CWC27: variants seen among roughly 807,000 people sequenced by gnomAD.
The protein encoded by CWC27 is spliceosome-associated protein CWC27 homolog.
In CWC27, 47 loss-of-function variants were observed where a neutral mutation model predicts 63.6. The ratio of observed to expected loss-of-function variants is 0.74; its 90% CI spans 0.58 to 0.94. The LOEUF (loss-of-function observed/expected upper bound fraction) is 0.94, where lower values mean the gene tolerates loss of function less well. Among genes scored for constraint, CWC27 ranks in the 40% least tolerant of loss-of-function variants. CWC27 has a pLI of 0.00. For synonymous variants in CWC27, 175 were observed against 179.8 expected (o/e 0.97, Z 0.22); for missense variants, 495 against 554.3 (o/e 0.89, Z 1.07).
chr5:64,991,457 G>A (rs1253170865), intron 13 of CWC27, among the ~76,000 whole-genome samples: 1 of 152,258 alleles, frequency 6.6e-6, no homozygotes, highest in African/African-American at 2.4e-5. Context: ...GGGAGCTGTG[G>A]CTCACGCCTG....
At chr5:64,930,826 A>G (rs1748221335) in intron 11 of CWC27, among the ~76,000 whole-genome samples, 10 of 152,170 alleles carry the variant, frequency 6.6e-5, no homozygotes, top group Admixed American at 6.5e-4. Flanking sequence ...TACCCTGAGA[A>G]GAACATACAA....
At chr5:64,880,915 A>G (rs756216793) in intron 10 of CWC27, among the ~76,000 whole-genome samples, 1 of 149,838 alleles carries the variant, frequency 6.7e-6, no homozygotes, top group East Asian at 2.0e-4. Context: ...GGCCAAGACA[A>G]TGCTTTCTGG....
chr5:64,780,312 C>T (rs2112156919), intron 2 of CWC27, among the ~76,000 whole-genome samples: 1 of 152,010 alleles, frequency 6.6e-6, no homozygotes, highest in East Asian at 1.9e-4. Flanking sequence ...CATTGATAGA[C>T]ATTTGAATTG....
chr5:64,885,524 A>G lies in CWC27; in HGVS notation c.1020A>G (p.Lys340=), dbSNP rs1191516881. The part of the protein sequence containing the change: ...AKQKKVENAA[K]QAEKRSEEEE... ...AAAAAAAAGTAGAAAATGCAGCAAA[A>G]CAAGCAGAAAAAAGAAGTGAAGGTA... The change falls in exon 11 of 14, where the codon AAA becomes AAG. Residue 340 remains lysine, a synonymous_variant. Coordinates refer to ENST00000381070, the MANE Select transcript of CWC27 (RefSeq NM_005869.4). 1 of 1,602,554 alleles carries G rather than the reference A, an allele frequency of 6.2e-7. No homozygotes were observed. Among genetic ancestry groups the G allele is most frequent in the Non-Finnish European group, 8.5e-7 (1 of 1,174,056 alleles).
intron 10 of CWC27, among the ~76,000 whole-genome samples, chr5:64,859,930 AC>A: frequency 6.6e-6 from 1 of 152,320 alleles, no homozygotes; most frequent in Admixed American, 6.5e-5. Context: ...TTTATTGTTG[AC>A]AAAGTTAAAA....
intron 10 of CWC27, among the ~76,000 whole-genome samples, chr5:64,877,810 G>T (rs763908369): frequency 2.6e-4 from 39 of 151,860 alleles, no homozygotes; most frequent in Admixed American, 8.5e-4. Flanking sequence ...GAAGAATTAA[G>T]ATGTCAGTGT....
At chr5:64,775,016 T>A (rs1743393232) in intron 2 of CWC27, among the ~76,000 whole-genome samples, 1 of 152,240 alleles carries the variant, frequency 6.6e-6, no homozygotes, top group African/African-American at 2.4e-5. Flanking sequence ...CAAATAATAC[T>A]GTGATCCTCT....
At chr5:64,909,855 C>T (rs1385245170) in intron 11 of CWC27, among the ~76,000 whole-genome samples, 2 of 152,070 alleles carry the variant, frequency 1.3e-5, no homozygotes, top group Non-Finnish European at 2.9e-5. Context: ...TTTTAGCTTC[C>T]TTGCAATGGG....
At chr5:64,994,974 T>C (rs918592147) in intron 13 of CWC27, among the ~76,000 whole-genome samples, 2 of 151,972 alleles carry the variant, frequency 1.3e-5, no homozygotes, top group Non-Finnish European at 2.9e-5. Context: ...TCTACTCTTA[T>C]GTGTATATCT....
At chr5:64,781,433 T>C (rs1743686427) in intron 2 of CWC27, among the ~76,000 whole-genome samples, 1 of 152,192 alleles carries the variant, frequency 6.6e-6, no homozygotes, top group Non-Finnish European at 1.5e-5. Context: ...AAATAAGGTA[T>C]TTATCTTTGC....
chr5:64,826,320 C>T (rs532111491), intron 10 of CWC27, among the ~76,000 whole-genome samples: 2 of 152,166 alleles, frequency 1.3e-5, no homozygotes, highest in South Asian at 2.1e-4. Flanking sequence ...TTTTTTGTTA[C>T]TGATGTCTAC....
intron 13 of CWC27, among the ~76,000 whole-genome samples, chr5:64,980,446 G>T (rs1042295035): frequency 6.6e-6 from 1 of 152,156 alleles, no homozygotes; most frequent in Admixed American, 6.5e-5. Flanking sequence ...ATAGCCACCT[G>T]CTCCTTACAC....
chr5:64,789,549 C>A (rs552715026), intron 7 of CWC27, among the ~76,000 whole-genome samples: 1 of 152,034 alleles, frequency 6.6e-6, no homozygotes. Flanking sequence ...GGGAACTGAA[C>A]GCAGGTCTTT....
chr5:64,890,037 C>T (rs1747189192), intron 11 of CWC27, among the ~76,000 whole-genome samples: 1 of 152,114 alleles, frequency 6.6e-6, no homozygotes, highest in Admixed American at 6.6e-5. Context: ...AAAACCAGTA[C>T]CAAACTGAAC....
intron 13 of CWC27, among the ~76,000 whole-genome samples, chr5:64,996,561 G>A (rs1454176494): frequency 1.3e-5 from 2 of 151,064 alleles, no homozygotes; most frequent in Non-Finnish European, 2.9e-5. Flanking sequence ...ATTATACTGG[G>A]GAAAAGTCTA....
chr5:64,860,703 G>T (rs1746384025), intron 10 of CWC27, among the ~76,000 whole-genome samples: 1 of 152,060 alleles, frequency 6.6e-6, no homozygotes, highest in African/African-American at 2.4e-5. Flanking sequence ...GTGTTTTAAA[G>T]TTATACTGTA....
chr5:64,844,758 T>C (rs1293264321), intron 10 of CWC27, among the ~76,000 whole-genome samples: 1 of 152,200 alleles, frequency 6.6e-6, no homozygotes, highest in Non-Finnish European at 1.5e-5. Flanking sequence ...ATTTCCACTT[T>C]CACGCATCTT....
intron 11 of CWC27, among the ~76,000 whole-genome samples, chr5:64,913,730 G>A (rs1747837006): frequency 6.6e-6 from 1 of 151,990 alleles, no homozygotes; most frequent in Admixed American, 6.5e-5. Context: ...GACATATCAT[G>A]TTTATGGATT....
At chr5:65,010,155 C>A (rs189623424) in intron 13 of CWC27, among the ~76,000 whole-genome samples, 23 of 152,104 alleles carry the variant, frequency 1.5e-4, no homozygotes, top group Admixed American at 7.2e-4. Flanking sequence ...AGGCCCAGGG[C>A]AGTCAGAAAA....
Sources: allele counts gnomAD v4.1 joint callset (sites outside exome capture counted in the v4.1 genomes callset), GRCh38; gene constraint gnomAD v4.1.1; transcripts MANE v1.5; gene names NCBI Gene and HGNC (gene_info 2026-07-23, HGNC 2026-07-21).